The following CSMD3 variants were observed in gnomAD, a reference collection of about 807,000 sequenced individuals.
CSMD3 encodes the protein CUB and sushi domain-containing protein 3.
Under a neutral mutation model 435.2 loss-of-function variants are expected in CSMD3, and 177 were observed. The ratio of observed to expected loss-of-function variants is 0.41; its 90% CI spans 0.36 to 0.46. The LOEUF is 0.46. CSMD3 is among the 20% of genes least tolerant of loss of function. The pLI, the probability that CSMD3 is intolerant of heterozygous loss-of-function variation, is 0.34. For synonymous variants in CSMD3, 1,656 were observed against 1,520.5 expected, an observed-to-expected ratio of 1.09 and a Z score of -2.07; for missense variants, 4,265 against 4,504.6, an observed-to-expected ratio of 0.95 and a Z score of 1.52.
At chr8:112,479,941 A>G (rs1197072678) in intron 31 of CSMD3, among the ~76,000 whole-genome samples, 1 of 152,152 alleles carries the variant, frequency 6.6e-6, no homozygotes, top group Admixed American at 6.5e-5. Flanking sequence ...TCCAGACCCT[A>G]TAATGGCAGA....
At chr8:112,578,605 AAAC>A (rs1401173669) in intron 23 of CSMD3, among the ~76,000 whole-genome samples, 1 of 152,058 alleles carries the variant, frequency 6.6e-6, no homozygotes. Flanking sequence ...ACTCTCAAAC[AAAC>A]AACAAACAAA....
At chr8:112,246,980 C>T (rs779277510) in intron 64 of CSMD3, 40 bp downstream of exon 64, 1 of 1,374,566 alleles carries the variant, frequency 7.3e-7, no homozygotes, top group Non-Finnish European at 1.0e-6. Context: ...CATATAAATT[C>T]TTACCCATGA....
Position 112,335,876 on chromosome 8 carries a change from T to A in CSMD3, c.7020-402A>T, listed in dbSNP as rs550617625. On this transcript the variant is annotated intron_variant, in intron 44 of 70. Coordinates refer to ENST00000297405, the MANE Select transcript of CSMD3 (RefSeq NM_198123.2). ...TAGAACTCAGATAAATTATCAGTAG[T>A]TAATTATTAATTCAGATACTTTCTT... is the stretch of plus-strand genomic sequence containing the variant. Among the ~76,000 whole-genome samples, 5 of 152,204 alleles carry A rather than the reference T, an allele frequency of 3.3e-5. No individual in the cohort carries two copies. In the East Asian group the frequency reaches 7.7e-4, roughly 24 times the overall value.
chr8:113,097,013 C>G (rs2090184335), intron 5 of CSMD3, among the ~76,000 whole-genome samples: 1 of 152,022 alleles, frequency 6.6e-6, no homozygotes, highest in African/African-American at 2.4e-5. Context: ...CTAGATTCAG[C>G]TTTGGCTCCT....
At position 112,962,057 on chromosome 8, in the gene CSMD3, T is replaced by C. The variant is rs566308839; in HGVS notation, c.1343-7296A>G. 2.1e-3 allele frequency among the ~76,000 whole-genome samples: 316 copies of C among 152,030 alleles called. 5 individuals carry two copies. Among genetic ancestry groups the C allele is most frequent in the Non-Finnish European group, 2.9e-4 (20 of 67,882 alleles). On this transcript the variant is annotated intron_variant, in intron 7 of 70. Coordinates refer to ENST00000297405, the MANE Select transcript of CSMD3 (RefSeq NM_198123.2). ...AAACTGTCTGCCCTTAATTTAATTG[T>C]TTTTAATCTTTATTTTCTGACAGCT...
chr8:112,962,684 T>C (rs1564154208), intron 7 of CSMD3, among the ~76,000 whole-genome samples: 1 of 152,008 alleles, frequency 6.6e-6, no homozygotes, highest in Non-Finnish European at 1.5e-5. Context: ...AAAATAAACA[T>C]AGATGGGTTC....
At chr8:113,293,978 T>A (rs1300323715) in intron 2 of CSMD3, among the ~76,000 whole-genome samples, 1 of 152,122 alleles carries the variant, frequency 6.6e-6, no homozygotes, top group Admixed American at 6.6e-5. Flanking sequence ...TTTCCACAAA[T>A]GATATTCTAT....
intron 4 of CSMD3, among the ~76,000 whole-genome samples, chr8:113,115,641 T>C (rs1426733887): frequency 1.3e-5 from 2 of 152,216 alleles, no homozygotes; most frequent in Admixed American, 1.3e-4. Flanking sequence ...TTATTAATTT[T>C]CACTGTTTGA....
intron 13 of CSMD3, among the ~76,000 whole-genome samples, chr8:112,717,164 T>C (rs967867879): frequency 7.9e-5 from 12 of 151,956 alleles, no homozygotes; most frequent in African/African-American, 2.7e-4. Context: ...TTTTGCAATC[T>C]ATTCATCTGA....
chr8:113,304,441 G>A (rs199914733), intron 2 of CSMD3, among the ~76,000 whole-genome samples: 4,724 of 58,628 alleles, frequency 0.081, 193 homozygotes, highest in East Asian at 0.22. Context: ...TATAAATCAT[G>A]CTGCTATAAA....
intron 5 of CSMD3, among the ~76,000 whole-genome samples, chr8:113,059,167 T>A (rs1226730431): frequency 6.6e-6 from 1 of 152,168 alleles, no homozygotes; most frequent in South Asian, 2.1e-4. Flanking sequence ...CAAATGTTCA[T>A]CCCTGTAGGC....
At chr8:112,287,465 A>C (rs887673314) in intron 57 of CSMD3, among the ~76,000 whole-genome samples, 5 of 152,120 alleles carry the variant, frequency 3.3e-5, no homozygotes, top group African/African-American at 1.2e-4. Flanking sequence ...CTTTTTTATC[A>C]GTGAATTTGG....
At chr8:113,324,293 G>GC (rs2093968590) in intron 1 of CSMD3, among the ~76,000 whole-genome samples, 1 of 152,182 alleles carries the variant, frequency 6.6e-6, no homozygotes, top group South Asian at 2.1e-4. Context: ...CTTCACGGCA[G>GC]CCCCTCCCAT....
intron 44 of CSMD3, among the ~76,000 whole-genome samples, chr8:112,335,833 T>C (rs1217839869): frequency 2.6e-5 from 4 of 152,048 alleles, no homozygotes; most frequent in Admixed American, 1.3e-4. Context: ...AATCACAGAC[T>C]GTTAAAGTTA....
intron 2 of CSMD3, among the ~76,000 whole-genome samples, chr8:113,301,850 T>C (rs974738755): frequency 8.5e-5 from 13 of 152,092 alleles, no homozygotes; most frequent in African/African-American, 2.9e-4. Context: ...GATTATTTGA[T>C]GGCACAATAT....
chr8:113,013,764 G>A (rs1346118173), intron 6 of CSMD3, among the ~76,000 whole-genome samples: 1 of 152,078 alleles, frequency 6.6e-6, no homozygotes, highest in Non-Finnish European at 1.5e-5. Flanking sequence ...CATTGTTTAT[G>A]TAGTGGATTG....
At chr8:113,067,047 C>T (rs1012323982) in intron 5 of CSMD3, among the ~76,000 whole-genome samples, 1 of 151,900 alleles carries the variant, frequency 6.6e-6, no homozygotes, top group East Asian at 1.9e-4. Context: ...ATATTTGCTC[C>T]CTTTTGAAAT....
chr8:112,984,800 C>A (rs1587827454), intron 6 of CSMD3, among the ~76,000 whole-genome samples: 1 of 152,036 alleles, frequency 6.6e-6, no homozygotes, highest in Non-Finnish European at 1.5e-5. Flanking sequence ...AAATGTTATA[C>A]ATGAATCTTT....
At chr8:112,827,146 T>C (rs907972893) in intron 12 of CSMD3, among the ~76,000 whole-genome samples, 19 of 131,762 alleles carry the variant, frequency 1.4e-4, no homozygotes, top group African/African-American at 4.5e-4. Context: ...TTCTTCTGTA[T>C]TTTACTAGGT....
Sources: allele counts gnomAD v4.1 joint callset (sites outside exome capture counted in the v4.1 genomes callset), GRCh38; gene constraint gnomAD v4.1.1; transcripts MANE v1.5; gene names NCBI Gene and HGNC (gene_info 2026-07-23, HGNC 2026-07-21).